RBFOX1: variants seen among roughly 807,000 people sequenced by gnomAD.
The protein encoded by RBFOX1 is RNA binding fox-1 homolog 1, also known as RNA binding protein fox-1 homolog 1.
A neutral mutation model predicts 57.7 loss-of-function variants in RBFOX1; 8 were observed. The observed-to-expected ratio is 0.14, with a 90% CI of 0.08 to 0.25. The LOEUF (loss-of-function observed/expected upper bound fraction) is 0.25. RBFOX1 is among the 10% of genes least tolerant of loss of function. The pLI, the probability that RBFOX1 is intolerant of heterozygous loss-of-function variation, is 1.00. For synonymous variants in RBFOX1, 326 were observed against 222.4 expected, an observed-to-expected ratio of 1.47 and a Z score of -4.15; for missense variants, 611 against 548.5, an observed-to-expected ratio of 1.11 and a Z score of -1.14.
chr16:7,060,734 A>G (rs997923684), intron 4 of RBFOX1, among the ~76,000 whole-genome samples: 2 of 152,176 alleles, frequency 1.3e-5, no homozygotes, highest in South Asian at 2.1e-4. Flanking sequence ...CCACGTATAC[A>G]TCCTGGTGCT....
At chr16:7,412,750 C>T (rs1278204504) in intron 4 of RBFOX1, among the ~76,000 whole-genome samples, 10 of 152,142 alleles carry the variant, frequency 6.6e-5, no homozygotes, top group African/African-American at 1.9e-4. Flanking sequence ...CTGATTTAAT[C>T]ATGGAATTAC....
At chr16:6,044,890 G>C (rs747496114) in intron 1 of RBFOX1, among the ~76,000 whole-genome samples, 1 of 152,192 alleles carries the variant, frequency 6.6e-6, no homozygotes, top group African/African-American at 2.4e-5. Flanking sequence ...TTTAGAATGA[G>C]AGTTCCCTCT....
At chr16:5,964,271 A>C (rs1470040316) in intron 4 of RBFOX1, among the ~76,000 whole-genome samples, 1 of 152,182 alleles carries the variant, frequency 6.6e-6, no homozygotes, top group Admixed American at 6.5e-5. Context: ...TGTGGAGAAA[A>C]GACAACTCTT....
chr16:7,114,161 C>A (rs772427206), intron 4 of RBFOX1, among the ~76,000 whole-genome samples: 1 of 152,222 alleles, frequency 6.6e-6, no homozygotes, highest in Middle Eastern at 3.4e-3. Context: ...CTTAAGAGAT[C>A]AGAGTTGGTG....
intron 1 of RBFOX1, among the ~76,000 whole-genome samples, chr16:6,090,346 T>A (rs2096153028): frequency 6.6e-6 from 1 of 152,196 alleles, no homozygotes; most frequent in African/African-American, 2.4e-5. Context: ...AGGTTCCAGG[T>A]ATCATGACAT....
In RBFOX1 at chr16:5,408,577, G is replaced by A. The variant is rs74007405; in HGVS notation, c.220-58639G>A. ...TGGCAGCGACAGTGCTTCCTGCTTC[G>A]GGTGTGTGGCTGCTGTATTAGGCCG... On this transcript the variant is annotated intron_variant, in intron 1 of 2. Transcript: ENST00000585867. 1.1e-4 allele frequency among the ~76,000 whole-genome samples: 17 copies of A among 152,254 alleles called. No homozygotes were observed. The South Asian group carries it at 2.9e-3, about 26-fold the overall frequency.
intron 4 of RBFOX1, among the ~76,000 whole-genome samples, chr16:7,227,307 CAG>C (rs2093200206): frequency 3.7e-5 from 5 of 134,488 alleles, no homozygotes; most frequent in African/African-American, 5.1e-5. Context: ...CACACACACA[CAG>C]CAAGGGAGGA....
intron 3 of RBFOX1, among the ~76,000 whole-genome samples, chr16:6,867,622 G>C (rs1309042854): frequency 6.6e-6 from 1 of 152,168 alleles, no homozygotes; most frequent in Non-Finnish European, 1.5e-5. Context: ...GGGAGGCTCA[G>C]GCAGCAGGAT....
chr16:7,190,274 A>C (rs1384420795), intron 4 of RBFOX1, among the ~76,000 whole-genome samples: 1 of 152,116 alleles, frequency 6.6e-6, no homozygotes, highest in Admixed American at 6.5e-5. Flanking sequence ...CAGGAGAATC[A>C]CTTGAACGCA....
At chr16:7,098,269 A>C (rs2062032436) in intron 4 of RBFOX1, among the ~76,000 whole-genome samples, 1 of 152,216 alleles carries the variant, frequency 6.6e-6, no homozygotes, top group Non-Finnish European at 1.5e-5. Context: ...TTCCTGGTTC[A>C]AGCCATTCTC....
intron 2 of RBFOX1, among the ~76,000 whole-genome samples, chr16:6,547,943 G>T (rs982517425): frequency 2.6e-5 from 4 of 152,192 alleles, no homozygotes; most frequent in African/African-American, 9.7e-5. Context: ...AAGACCCTTA[G>T]CTGGGAAACG....
intron 4 of RBFOX1, among the ~76,000 whole-genome samples, chr16:5,905,193 G>T (rs1042354660): frequency 6.7e-6 from 1 of 148,980 alleles, no homozygotes; most frequent in Non-Finnish European, 1.5e-5. Context: ...TCAGCCTCAC[G>T]AGTAGCTGGG....
chr16:7,403,661 C>G (rs1014679129), intron 4 of RBFOX1, among the ~76,000 whole-genome samples: 4 of 150,500 alleles, frequency 2.7e-5, no homozygotes, highest in Non-Finnish European at 5.9e-5. Context: ...ATTCTCCTGC[C>G]TCAGCCTCCT....
At chr16:7,373,491 G>A (rs934882057) in intron 4 of RBFOX1, among the ~76,000 whole-genome samples, 2 of 152,120 alleles carry the variant, frequency 1.3e-5, no homozygotes, top group Non-Finnish European at 2.9e-5. Context: ...CAGAATAGAT[G>A]GTGTTAATCT....
intron 3 of RBFOX1, among the ~76,000 whole-genome samples, chr16:5,807,181 C>T (rs948449718): frequency 1.3e-5 from 2 of 152,196 alleles, no homozygotes; most frequent in Admixed American, 6.5e-5. Context: ...CTTCTTTTTC[C>T]ACCATGATGG....
At chr16:6,925,052 G>A (rs139999502) in intron 3 of RBFOX1, among the ~76,000 whole-genome samples, 2,516 of 136,596 alleles carry the variant, frequency 0.018, 39 homozygotes, top group Middle Eastern at 0.032. Context: ...ATTCCATGGT[G>A]TATATGTGCC....
rs1601957409 is a variant in RBFOX1 at position 7,178,036 on chromosome 16, T to A, written c.27+125938T>A. Among the ~76,000 whole-genome samples the A allele has an allele frequency of 2.6e-5, 4 of 152,344 alleles. No individual in the cohort carries two copies. The South Asian group carries it at 8.3e-4, about 32-fold the overall frequency. On this transcript the variant is annotated intron_variant, in intron 4 of 15. Coordinates refer to ENST00000550418, the MANE Select transcript of RBFOX1 (RefSeq NM_018723.4). ...TCTCTGAGAGTAAAGGCCAGCCATGTACACTTGTACTGTTGTACAGATGCA... is the reference window on the plus strand; with the variant it reads ...TCTCTGAGAGTAAAGGCCAGCCATGAACACTTGTACTGTTGTACAGATGCA...
intron 3 of RBFOX1, among the ~76,000 whole-genome samples, chr16:5,799,033 C>T (rs1286982306): frequency 1.3e-5 from 2 of 152,098 alleles, no homozygotes; most frequent in East Asian, 3.9e-4. Flanking sequence ...TGAAGACATA[C>T]CTGAGACTGG....
intron 2 of RBFOX1, among the ~76,000 whole-genome samples, chr16:5,552,975 C>A (rs1313141366): frequency 6.6e-6 from 1 of 152,126 alleles, no homozygotes; most frequent in Non-Finnish European, 1.5e-5. Context: ...AGTCCATGTC[C>A]TTTACAGGGA....
Sources: gnomAD v4.1 joint callset for allele counts (sites outside exome capture counted in the v4.1 genomes callset) on GRCh38, gnomAD v4.1.1 for gene constraint, MANE v1.5 for transcripts, NCBI Gene and HGNC (gene_info 2026-07-23, HGNC 2026-07-21) for gene names.